Variants in POT1 observed in about 807,000 individuals in gnomAD.
POT1 encodes protection of telomeres protein 1.
Under a neutral mutation model 78.5 loss-of-function variants are expected in POT1, and 47 were observed. The observed-to-expected ratio is 0.60, with a 90% CI of 0.47 to 0.76. The LOEUF (loss-of-function observed/expected upper bound fraction) is 0.76, where lower values mean the gene tolerates loss of function less well. Ranked by LOEUF, POT1 falls within the 30% of genes least tolerant of loss-of-function variation. The pLI, the probability that POT1 is intolerant of heterozygous loss-of-function variation, is 0.00. For missense variants in POT1, 646 were observed against 749.9 expected (o/e 0.86, Z 1.62); for synonymous variants, 259 against 260.7 (o/e 0.99, Z 0.06).
chr7:124,890,693 A>C (rs1796349578), intron 6 of POT1, among the ~76,000 whole-genome samples: 1 of 151,814 alleles, frequency 6.6e-6, no homozygotes, highest in South Asian at 2.1e-4. Context: ...TATCCTTAGC[A>C]TTTTTTAGCA....
At chr7:124,833,940 A>C (rs182358639) in intron 15 of POT1, among the ~76,000 whole-genome samples, 3 of 152,250 alleles carry the variant, frequency 2.0e-5, no homozygotes, top group African/African-American at 7.2e-5. Context: ...AAGTTTTCTC[A>C]GTTGAAAACA....
At chr7:124,854,797 A>G (rs1795403186) in intron 9 of POT1, among the ~76,000 whole-genome samples, 1 of 151,918 alleles carries the variant, frequency 6.6e-6, no homozygotes, top group Non-Finnish European at 1.5e-5. Context: ...GAAAAAACAT[A>G]AAATTTTCTA....
At chr7:124,883,509 G>T (rs1215722875) in intron 6 of POT1, among the ~76,000 whole-genome samples, 2 of 152,016 alleles carry the variant, frequency 1.3e-5, no homozygotes, top group East Asian at 3.9e-4. Context: ...ACAAACAAAT[G>T]AGTGAACCGA....
chr7:124,826,543 C>A (rs988751130), intron 17 of POT1, among the ~76,000 whole-genome samples: 1 of 152,104 alleles, frequency 6.6e-6, no homozygotes, highest in African/African-American at 2.4e-5. Context: ...GTTAAAGTAA[C>A]TTCATTCCTC....
chr7:124,830,224 T>C (rs558259322), intron 15 of POT1, among the ~76,000 whole-genome samples: 6 of 152,340 alleles, frequency 3.9e-5, no homozygotes, highest in African/African-American at 1.4e-4. Context: ...AGTACAGTTA[T>C]TTTGCTTTAC....
chr7:124,904,160 A>G, intron 3 of POT1, among the ~76,000 whole-genome samples: 1 of 152,226 alleles, frequency 6.6e-6, no homozygotes, highest in Non-Finnish European at 1.5e-5. Context: ...TCCCTAACTT[A>G]TTTTATGAGG....
intron 3 of POT1, among the ~76,000 whole-genome samples, chr7:124,914,570 A>G (rs944064943): frequency 6.6e-6 from 1 of 152,232 alleles, no homozygotes; most frequent in Non-Finnish European, 1.5e-5. Context: ...CAAGTTTTGC[A>G]TCTGCAAATT....
At chr7:124,831,419 C>T (rs774209530) in intron 15 of POT1, among the ~76,000 whole-genome samples, 11 of 152,092 alleles carry the variant, frequency 7.2e-5, no homozygotes, top group Admixed American at 3.9e-4. Context: ...TACATACATA[C>T]ACATACAATT....
intron 7 of POT1, 90 bp from the exon 8 acceptor site, chr7:124,863,730 C>G (rs1795656683): frequency 9.5e-7 from 1 of 1,054,710 alleles, no homozygotes. Context: ...GAAAGATTAT[C>G]AATTTTGCCA....
At chr7:124,859,546 TAAAGC>T (rs1795533445) in intron 8 of POT1, among the ~76,000 whole-genome samples, 1 of 152,110 alleles carries the variant, frequency 6.6e-6, no homozygotes, top group Non-Finnish European at 1.5e-5. Flanking sequence ...AAATTAGTTG[TAAAGC>T]ATTATTCTGA....
At position 124,863,632 on chromosome 7, in the gene POT1, T is replaced by C. The variant is rs1453961322; in HGVS notation, c.264A>G (p.Val88=). The C allele has an allele frequency of 2.5e-6, 4 of 1,605,490 alleles. No homozygotes were observed. The highest frequency in any genetic ancestry group is 2.5e-6 in the Non-Finnish European group (3 of 1,177,056). ...IVRFHRLKIQ[V]YKKETQGITS... ...TGATACCCTGAGTCTCCTTTTTATATACTTGAATCTAAGAAAGTAGGGCAA... is the reference window on the plus strand; with the variant it reads ...TGATACCCTGAGTCTCCTTTTTATACACTTGAATCTAAGAAAGTAGGGCAA... The change falls in exon 8 of 19, where the codon GTA becomes GTG. Residue 88 remains valine, a synonymous_variant. Transcript: ENST00000357628.
At chr7:124,858,407 C>T (rs926711098) in intron 9 of POT1, among the ~76,000 whole-genome samples, 1 of 151,944 alleles carries the variant, frequency 6.6e-6, no homozygotes, top group Non-Finnish European at 1.5e-5. Flanking sequence ...TTAAGTACTG[C>T]CATATCTAAA....
chr7:124,868,341 A>G (rs1017336193), intron 7 of POT1, among the ~76,000 whole-genome samples: 1 of 152,178 alleles, frequency 6.6e-6, no homozygotes, highest in Non-Finnish European at 1.5e-5. Flanking sequence ...GTAATGCTAA[A>G]TCTATACAGG....
chr7:124,824,099 C>T lies in POT1; in HGVS notation c.1793-25G>A, dbSNP rs575804706. ...TCTACAAAAACAAAAACAAAAAAAG[C>T]GATTTAACCATTAAAACAAAATAAA... On this transcript the variant is annotated intron_variant, in intron 18 of 18. Coordinates refer to ENST00000357628, the MANE Select transcript of POT1 (RefSeq NM_015450.3). 1,185 of 1,428,402 alleles carry T rather than the reference C, an allele frequency of 8.3e-4. 22 individuals are homozygous for T. In the South Asian group the frequency reaches 0.014, roughly 16 times the overall value. 88.5% of individuals were successfully genotyped at this position (1,428,402 alleles called of 1,614,324 possible).
intron 16 of POT1, 166 bp downstream of exon 16, chr7:124,829,088 G>T: frequency 1.3e-6 from 1 of 762,152 alleles, no homozygotes; most frequent in Non-Finnish European, 2.4e-6. Context: ...ACTAAAGGAA[G>T]GCTTGGCAGA....
chr7:124,912,274 A>G (rs1289297458), intron 3 of POT1, among the ~76,000 whole-genome samples: 1 of 152,062 alleles, frequency 6.6e-6, no homozygotes, highest in Non-Finnish European at 1.5e-5. Context: ...CAGTGGAATT[A>G]AGGGTTTTAA....
At position 124,919,006 on chromosome 7, in the gene POT1, G is replaced by A. The variant is rs74579180; in HGVS notation, c.-226-3360C>T. Among the ~76,000 whole-genome samples, 10 of 152,216 alleles carry A rather than the reference G, an allele frequency of 6.6e-5. No individual in the cohort carries two copies. In the East Asian group the frequency reaches 1.9e-3, roughly 29 times the overall value. On this transcript the variant is annotated intron_variant, in intron 2 of 18. Transcript: ENST00000357628. ...GTGCTTAACAACAGGGATACATTCT[G>A]AAAAATGTGTTGTCAGGCAATTTCG...
intron 3 of POT1, among the ~76,000 whole-genome samples, chr7:124,903,769 G>T (rs1326556070): frequency 2.6e-5 from 4 of 151,778 alleles, no homozygotes; most frequent in Admixed American, 1.3e-4. Flanking sequence ...AAAATTGATA[G>T]ACTGCTAGCA....
chr7:124,885,789 TAA>T (rs759197480), intron 6 of POT1, among the ~76,000 whole-genome samples: 6 of 76,626 alleles, frequency 7.8e-5, no homozygotes, highest in Non-Finnish European at 1.7e-4. Context: ...TAAATAAAAA[TAA>T]AAATAAAATC....
Sources: gnomAD v4.1 joint callset for allele counts (sites outside exome capture counted in the v4.1 genomes callset) on GRCh38, gnomAD v4.1.1 for gene constraint, MANE v1.5 for transcripts, NCBI Gene and HGNC (gene_info 2026-07-23, HGNC 2026-07-21) for gene names.